Variants in NOSTRIN observed in about 807,000 individuals in gnomAD.
The protein encoded by NOSTRIN is nitric oxide synthase trafficking, also known as BM247 homolog.
Under a neutral mutation model 59.0 loss-of-function variants are expected in NOSTRIN, and 63 were observed. That is an observed-to-expected ratio of 1.07 (90% CI 0.87 to 1.32). The LOEUF (loss-of-function observed/expected upper bound fraction) is 1.32. NOSTRIN is among the 40% of genes most tolerant of loss of function. The probability of loss-of-function intolerance (pLI) is 0.00; values close to 1 mark genes in which losing one functional copy is unlikely to be tolerated. For missense variants in NOSTRIN, 512 were observed against 473.1 expected (o/e 1.08, Z -0.76); for synonymous variants, 200 against 165.4 (o/e 1.21, Z -1.61).
chr2:168,847,493 T>C (rs1339816106), intron 8 of NOSTRIN, among the ~76,000 whole-genome samples: 1 of 152,218 alleles, frequency 6.6e-6, no homozygotes, highest in East Asian at 1.9e-4. Context: ...AGAAAGAGCA[T>C]ATTTCTTTTA....
intron 2 of NOSTRIN, among the ~76,000 whole-genome samples, chr2:168,792,039 T>C (rs1467821225): frequency 4.6e-5 from 7 of 152,164 alleles, no homozygotes; most frequent in Non-Finnish European, 7.3e-5. Flanking sequence ...TTTGGTGTTT[T>C]AGACATGAAG....
At chr2:168,863,917 A>T (rs1054517625) in intron 15 of NOSTRIN, among the ~76,000 whole-genome samples, 10 of 147,812 alleles carry the variant, frequency 6.8e-5, no homozygotes, top group Non-Finnish European at 1.5e-4. Flanking sequence ...ATCTTTTTTT[A>T]TTTTTTTTTT....
chr2:168,798,464 G>A (rs928821932), upstream of NOSTRIN, among the ~76,000 whole-genome samples: 2 of 152,172 alleles, frequency 1.3e-5, no homozygotes, highest in African/African-American at 4.8e-5. Context: ...ACTCCCCTTA[G>A]AGGCAGCACA....
chr2:168,819,227 T>G (rs574035940), intron 2 of NOSTRIN, among the ~76,000 whole-genome samples: 2 of 152,276 alleles, frequency 1.3e-5, no homozygotes, highest in Admixed American at 1.3e-4. Flanking sequence ...CTTTGAGAGA[T>G]GAGAAGAAAT....
chr2:168,802,625 C>T (rs1157661706), upstream of NOSTRIN: 1 of 867,650 alleles, frequency 1.2e-6, no homozygotes, highest in South Asian at 1.3e-5. Flanking sequence ...GGTGAAAGGA[C>T]AAAAGCCAGA....
intron 1 of NOSTRIN, among the ~76,000 whole-genome samples, chr2:168,810,328 T>A (rs966264665): frequency 1.3e-5 from 2 of 152,216 alleles, no homozygotes; most frequent in Non-Finnish European, 2.9e-5. Context: ...ATGGTAAGAC[T>A]GTTCCTGTAT....
chr2:168,831,749 G>A (rs1410473429), intron 6 of NOSTRIN, among the ~76,000 whole-genome samples: 1 of 152,152 alleles, frequency 6.6e-6, no homozygotes. Context: ...CTTATTATGT[G>A]CTAAGTGCTA....
At chr2:168,800,557 T>C (rs1221470649), upstream of NOSTRIN, among the ~76,000 whole-genome samples, 1 of 152,156 alleles carries the variant, frequency 6.6e-6, no homozygotes, top group African/African-American at 2.4e-5. Context: ...GAGGGAAAGC[T>C]AGTCAGCCCA....
intron 6 of NOSTRIN, 29 bp from the exon 7 acceptor site, chr2:168,834,198 T>G (rs1435925348): frequency 1.2e-6 from 1 of 864,048 alleles, no homozygotes; most frequent in East Asian, 2.4e-5. Flanking sequence ...CTGCTCCTTT[T>G]TTTCTTGTTT....
Position 168,865,215 on chromosome 2 carries a change from C to A in NOSTRIN, c.*245C>A, listed in dbSNP as rs1689792591. ...GAGGAGTTTCCAAATTCTAGGAGACCCTAGAGATGATCCAGTATAACCCCT... is the reference window on the plus strand; with the variant it reads ...GAGGAGTTTCCAAATTCTAGGAGACACTAGAGATGATCCAGTATAACCCCT... On this transcript the variant is annotated 3_prime_UTR_variant, in exon 16 of 16. Transcript: ENST00000317647. 1 of 457,456 alleles carries A rather than the reference C, an allele frequency of 2.2e-6. No homozygotes were observed. Among genetic ancestry groups the A allele is most frequent in the Non-Finnish European group, 3.9e-6 (1 of 256,510 alleles). 28.3% of individuals were successfully genotyped at this position (457,456 alleles called of 1,614,324 possible).
chr2:168,865,027 C>G lies in NOSTRIN; in HGVS notation c.*57C>G. The G allele has an allele frequency of 6.4e-7, 1 of 1,573,268 alleles. No individual in the cohort carries two copies. The highest frequency in any genetic ancestry group is 1.4e-5 in the African/African-American group (1 of 73,590). On this transcript the variant is annotated 3_prime_UTR_variant, in exon 16 of 16. Transcript: ENST00000317647. ...CGGTAATCAACAATACAGTGTGGTT[C>G]AAATAAGAATAAAGTGCTCTTACCT...
At chr2:168,810,640 C>T (rs1306441169) in intron 1 of NOSTRIN, among the ~76,000 whole-genome samples, 1 of 152,178 alleles carries the variant, frequency 6.6e-6, no homozygotes, top group African/African-American at 2.4e-5. Context: ...ATTGTATGAG[C>T]AAAGAACAGC....
At chr2:168,832,613 T>C (rs1169498273) in intron 6 of NOSTRIN, among the ~76,000 whole-genome samples, 1 of 152,136 alleles carries the variant, frequency 6.6e-6, no homozygotes, top group Non-Finnish European at 1.5e-5. Flanking sequence ...CCAAGGACAT[T>C]AATAAAAAGT....
intron 11 of NOSTRIN, chr2:168,856,433 G>C: frequency 2.3e-6 from 1 of 428,340 alleles, no homozygotes; most frequent in Non-Finnish European, 4.3e-6. Flanking sequence ...AAATTAGCCG[G>C]ACATGGTGGC....
intron 1 of NOSTRIN, among the ~76,000 whole-genome samples, chr2:168,805,210 C>T (rs1318486499): frequency 6.6e-6 from 1 of 152,194 alleles, no homozygotes; most frequent in Non-Finnish European, 1.5e-5. Context: ...CTGGGCCTTT[C>T]AACCTCAAAG....
intron 10 of NOSTRIN, among the ~76,000 whole-genome samples, chr2:168,851,825 C>T (rs1574328170): frequency 6.6e-6 from 1 of 152,024 alleles, no homozygotes; most frequent in Non-Finnish European, 1.5e-5. Flanking sequence ...TTATGTGGGT[C>T]AGGAATTCAG....
chr2:168,826,794 A>T (rs967250638), intron 3 of NOSTRIN, among the ~76,000 whole-genome samples: 3 of 152,234 alleles, frequency 2.0e-5, no homozygotes, highest in African/African-American at 7.2e-5. Flanking sequence ...CAGTTTTGAC[A>T]TATGTAAATA....
At position 168,802,804 on chromosome 2, in the gene NOSTRIN, G is replaced by A. The variant is rs1156434204; in HGVS notation, c.27+131G>A. 6 of 744,356 alleles carry A rather than the reference G, an allele frequency of 8.1e-6. No individual in the cohort carries two copies. In the East Asian group the frequency reaches 1.4e-4, roughly 17 times the overall value. 46.1% of individuals were successfully genotyped at this position (744,356 alleles called of 1,614,324 possible). On this transcript the variant is annotated intron_variant, in intron 1 of 15. Transcript: ENST00000317647. ...AACACATTTAGATATTGGCTGTGGTGCAAAAGTTTGTGGTTTTTCTTTGGT... is the reference window on the plus strand; with the variant it reads ...AACACATTTAGATATTGGCTGTGGTACAAAAGTTTGTGGTTTTTCTTTGGT...
intron 11 of NOSTRIN, 145 bp downstream of exon 11, chr2:168,855,605 C>CAA (rs58938408): frequency 0.028 from 4,320 of 152,742 alleles, 2 homozygotes; most frequent in East Asian, 0.049. Context: ...GTTGTGTGAA[C>CAA]AAAAAAAAAA....
Sources: gnomAD v4.1 joint callset for allele counts (sites outside exome capture counted in the v4.1 genomes callset) on GRCh38, gnomAD v4.1.1 for gene constraint, MANE v1.5 for transcripts, NCBI Gene and HGNC (gene_info 2026-07-23, HGNC 2026-07-21) for gene names.